The following GLTP variants were observed in gnomAD, a reference collection of about 807,000 sequenced individuals.
GLTP encodes glycolipid transfer protein.
A neutral mutation model predicts 24.0 loss-of-function variants in GLTP; 22 were observed. The ratio of observed to expected loss-of-function variants is 0.92; its 90% CI spans 0.65 to 1.31. The LOEUF (loss-of-function observed/expected upper bound fraction) is 1.31. GLTP is among the 50% of genes most tolerant of loss of function. The pLI, the probability that GLTP is intolerant of heterozygous loss-of-function variation, is 0.00. For missense variants in GLTP, 224 were observed against 276.6 expected (o/e 0.81, Z 1.35); for synonymous variants, 92 against 115.9 (o/e 0.79, Z 1.33).
intron 1 of GLTP, among the ~76,000 whole-genome samples, chr12:109,869,172 C>CG (rs924392599): frequency 6.6e-6 from 1 of 151,478 alleles, no homozygotes; most frequent in African/African-American, 2.4e-5. Flanking sequence ...TGGTGGTGCA[C>CG]GTCTGTAATC....
intron 1 of GLTP, among the ~76,000 whole-genome samples, chr12:109,859,204 A>G (rs1892840855): frequency 6.6e-6 from 1 of 152,098 alleles, no homozygotes; most frequent in Non-Finnish European, 1.5e-5. Context: ...ACAGGCACGC[A>G]CCATCATACC....
intron 1 of GLTP, among the ~76,000 whole-genome samples, chr12:109,864,094 C>A (rs1384621040): frequency 6.6e-6 from 1 of 152,128 alleles, no homozygotes; most frequent in African/African-American, 2.4e-5. Flanking sequence ...TGTGGGGCCA[C>A]CACACAGGGC....
intron 1 of GLTP, among the ~76,000 whole-genome samples, chr12:109,868,877 A>G (rs1868625021): frequency 1.3e-5 from 2 of 152,180 alleles, no homozygotes. Context: ...GGCTCTGCTT[A>G]CTATAAGGCC....
chr12:109,880,407 CG>C lies in GLTP; in HGVS notation c.-34del, dbSNP rs1484335949. The C allele has an allele frequency of 2.8e-6, 3 of 1,060,150 alleles. No individual in the cohort carries two copies. The highest frequency in any genetic ancestry group is 3.8e-6 in the Non-Finnish European group (3 of 788,252). The allele number at this position is 1,060,150 out of a possible 1,614,324, so 65.7% of individuals were successfully genotyped here. On this transcript the variant is annotated 5_prime_UTR_variant, in exon 1 of 5. Coordinates refer to ENST00000318348, the MANE Select transcript of GLTP (RefSeq NM_016433.4). This position sits in a 1 kb window ranked among gnomAD's most constrained non-coding sequence, Gnocchi z 5.1. Reference sequence around the variant, plus strand: ...TCGAGGCCCGCGGTGATGCCCCAGCCGGCGCCGCGGGCGTCGACACCGCCCC... The same window carrying C: ...TCGAGGCCCGCGGTGATGCCCCAGCCGCGCCGCGGGCGTCGACACCGCCCC...
At chr12:109,877,621 G>A (rs915870114) in intron 1 of GLTP, among the ~76,000 whole-genome samples, 2 of 152,154 alleles carry the variant, frequency 1.3e-5, no homozygotes, top group African/African-American at 4.8e-5. Flanking sequence ...GTTGGCAAGT[G>A]CCATGGTGGA....
chr12:109,875,794 G>A (rs547641598), intron 1 of GLTP, among the ~76,000 whole-genome samples: 11 of 152,354 alleles, frequency 7.2e-5, no homozygotes, highest in Non-Finnish European at 1.2e-4. Flanking sequence ...CGCAGCCAGC[G>A]CCCACTGAAG....
At chr12:109,878,380 T>G (rs902770033) in intron 1 of GLTP, among the ~76,000 whole-genome samples, 1 of 152,166 alleles carries the variant, frequency 6.6e-6, no homozygotes, top group Non-Finnish European at 1.5e-5. Flanking sequence ...CTGTGCACTG[T>G]AGGATACTGA....
chr12:109,857,760 T>A lies in GLTP; in HGVS notation c.163-101A>T, dbSNP rs1393564179. On this transcript the variant is annotated intron_variant, in intron 2 of 4. Transcript: ENST00000318348. The surrounding 1 kb of genome is among the most constrained non-coding windows in gnomAD (Gnocchi z 4.3). ...GCACCCTACCGGCATCTCCTGCTCC[T>A]TCCTGCCCTCCAGGAACAGCAGGGA... The A allele has an allele frequency of 8.6e-7, 1 of 1,167,114 alleles. No homozygotes were observed. Among genetic ancestry groups the A allele is most frequent in the Non-Finnish European group, 1.3e-6 (1 of 775,880 alleles). The allele number at this position is 1,167,114 out of a possible 1,614,324, so 72.3% of individuals were successfully genotyped here.
rs188814989 is a variant in GLTP at position 109,870,040 on chromosome 12, G to A, written c.103+10232C>T. 1.6e-3 allele frequency among the ~76,000 whole-genome samples: 248 copies of A among 152,146 alleles called. 4 individuals are homozygous for A. Among genetic ancestry groups the A allele is most frequent in the Non-Finnish European group, 3.2e-4 (22 of 67,996 alleles). ...GTTACAGGCATGAGCCACCGCACTC[G>A]GCAAGTTTCCTCATTTTTAAAATGA... On this transcript the variant is annotated intron_variant, in intron 1 of 4. Coordinates refer to ENST00000318348, the MANE Select transcript of GLTP (RefSeq NM_016433.4).
rs532287672 is a variant in GLTP at position 109,857,723 on chromosome 12, G to C, written c.163-64C>G. 15 of 1,575,552 alleles carry C rather than the reference G, an allele frequency of 9.5e-6. No homozygotes were observed. The South Asian group carries it at 1.3e-4, about 14-fold the overall frequency. ...GCCCCCATAGACATCTGGCCCGCAC[G>C]CTGGGTGAAAAGCACCCTACCGGCA... On this transcript the variant is annotated intron_variant, in intron 2 of 4. Transcript: ENST00000318348. The surrounding 1 kb of genome is among the most constrained non-coding windows in gnomAD (Gnocchi z 4.3).
At chr12:109,863,896 G>A (rs1259308432) in intron 1 of GLTP, among the ~76,000 whole-genome samples, 1 of 152,168 alleles carries the variant, frequency 6.6e-6, no homozygotes, top group South Asian at 2.1e-4. Context: ...TAATGACTCC[G>A]GTCATTCAAC....
chr12:109,869,863 A>G (rs2136048128), intron 1 of GLTP, among the ~76,000 whole-genome samples: 1 of 151,952 alleles, frequency 6.6e-6, no homozygotes, highest in South Asian at 2.1e-4. Flanking sequence ...TCCACCTCCC[A>G]GGTTCGCACC....
rs1166895759 is a variant in GLTP, at chr12:109,851,323, C to T, written c.*1232G>A. ...TTTGAAAGAAACGCCTCTTGGTCAT[C>T]AAGGGCTTGCTGGTTGGTTTCAGCT... is the stretch of plus-strand genomic sequence containing the variant. On this transcript the variant is annotated 3_prime_UTR_variant, in exon 5 of 5. Coordinates refer to ENST00000318348, the MANE Select transcript of GLTP (RefSeq NM_016433.4). The T allele has an allele frequency of 1.3e-5, 2 of 152,198 alleles. No homozygotes were observed. The highest frequency in any genetic ancestry group is 4.8e-5 in the African/African-American group (2 of 41,408). 9.4% of individuals were successfully genotyped at this position (152,198 alleles called of 1,614,324 possible). A position where few individuals can be genotyped will look rare whatever the true frequency, so the allele number is the denominator to read the frequency against.
rs1892790548 is a variant in GLTP at position 109,855,923 on chromosome 12, C to A, written c.297-154G>T. On this transcript the variant is annotated intron_variant, in intron 3 of 4. Coordinates refer to ENST00000318348, the MANE Select transcript of GLTP (RefSeq NM_016433.4). The surrounding 1 kb of genome is among the most constrained non-coding windows in gnomAD (Gnocchi z 4.1). Reference sequence around the variant, plus strand: ...CCTAATCATCTTTCCCTTCTGCTTACAAGTAACGTGACCACTTGGCTCCAT... The same window carrying A: ...CCTAATCATCTTTCCCTTCTGCTTAAAAGTAACGTGACCACTTGGCTCCAT... Among the ~76,000 whole-genome samples the A allele has an allele frequency of 6.6e-6, 1 of 152,072 alleles. No individual in the cohort carries two copies. Among genetic ancestry groups the A allele is most frequent in the Non-Finnish European group, 1.5e-5 (1 of 68,008 alleles).
rs1260583759 is a variant in GLTP, at chr12:109,857,139, C to A, written c.296+387G>T. On this transcript the variant is annotated intron_variant, in intron 3 of 4. Coordinates refer to ENST00000318348, the MANE Select transcript of GLTP (RefSeq NM_016433.4). The surrounding 1 kb of genome is among the most constrained non-coding windows in gnomAD (Gnocchi z 4.3). ...CGCGTGACCAGCCCTAAACAGGACA[C>A]CTTTGTGCAGTACGCAACCTGCATA... 6.6e-6 allele frequency among the ~76,000 whole-genome samples: 1 copy of A among 152,188 alleles called. No individual in the cohort carries two copies. Among genetic ancestry groups the A allele is most frequent in the East Asian group, 1.9e-4 (1 of 5,196 alleles).
chr12:109,870,092 G>T (rs568138708), intron 1 of GLTP, among the ~76,000 whole-genome samples: 13 of 152,208 alleles, frequency 8.5e-5, no homozygotes, highest in Admixed American at 5.9e-4. Context: ...TTCTTCAAAG[G>T]GTTGCTGTGA....
At chr12:109,856,407 A>G (rs112568238) in intron 3 of GLTP, among the ~76,000 whole-genome samples, 152 of 152,326 alleles carry the variant, frequency 1.0e-3, no homozygotes, top group African/African-American at 3.6e-3. Context: ...CCAGCCCCTT[A>G]GCACACATCA....
intron 1 of GLTP, among the ~76,000 whole-genome samples, chr12:109,865,371 A>C (rs2033445430): frequency 6.6e-6 from 1 of 152,000 alleles, no homozygotes; most frequent in African/African-American, 2.4e-5. Flanking sequence ...TCACGCCTGT[A>C]ATCCCAACAC....
Position 109,857,537 on chromosome 12 carries a change from C to T in GLTP, c.285G>A (p.Met95Ile). 6.2e-7 allele frequency: 1 copy of T among 1,613,522 alleles called. No homozygotes were observed. Among genetic ancestry groups the T allele is most frequent in the South Asian group, 1.1e-5 (1 of 91,058 alleles). Reference protein sequence around the residue: ...WPKVGATLALMWLKRGLRFIQ... With the variant: ...WPKVGATLALIWLKRGLRFIQ... ...CCTGAGCCCATCACCTTTTCAGCCACATCAGCGCCAGTGTGGCCCCTACTT... is the reference window on the plus strand; with the variant it reads ...CCTGAGCCCATCACCTTTTCAGCCATATCAGCGCCAGTGTGGCCCCTACTT... Residue 95 changes from methionine to isoleucine, a missense_variant, in exon 3 of 5, where the codon ATG becomes ATA. Physicochemically the swap from Met to Ile is conservative, Grantham distance 10. Coordinates refer to ENST00000318348, the MANE Select transcript of GLTP (RefSeq NM_016433.4). This position sits in a 1 kb window ranked among gnomAD's most constrained non-coding sequence, Gnocchi z 4.3.
Sources: gnomAD v4.1 joint callset for allele counts (sites outside exome capture counted in the v4.1 genomes callset) on GRCh38, gnomAD v4.1.1 for gene constraint, Gnocchi (gnomAD v3.1) non-coding constraint, MANE v1.5 for transcripts, NCBI Gene and HGNC (gene_info 2026-07-23, HGNC 2026-07-21) for gene names.